Variants in RTP5 observed in about 807,000 individuals in gnomAD.
RTP5 encodes the protein receptor-transporting protein 5.
In RTP5, 30 loss-of-function variants were observed where a neutral mutation model predicts 23.5. The ratio of observed to expected loss-of-function variants is 1.27; its 90% confidence interval spans 0.95 to 1.73. The LOEUF (loss-of-function observed/expected upper bound fraction) is 1.73. Among genes scored for constraint, RTP5 ranks in the 40% most tolerant of loss-of-function variants. RTP5 has a pLI of 0.00. For synonymous variants in RTP5, 354 were observed against 342.1 expected (o/e 1.03, Z -0.38); for missense variants, 807 against 784.2 (o/e 1.03, Z -0.35).
intron 1 of RTP5, chr2:241,871,108 G>A (rs1701308608): frequency 3.2e-5 from 15 of 468,032 alleles, no homozygotes; most frequent in South Asian, 1.9e-4. Flanking sequence ...GCCTGGTGAC[G>A]CCCAGCAGGG....
intron 1 of RTP5, among the ~76,000 whole-genome samples, chr2:241,870,168 T>C (rs1701289389): frequency 6.6e-6 from 1 of 152,156 alleles, no homozygotes; most frequent in Non-Finnish European, 1.5e-5. Flanking sequence ...CTCACTCGGC[T>C]CCTTGGGCCA....
In RTP5 at chr2:241,873,169, C is replaced by T. The variant is rs747825272; in HGVS notation, c.1614C>T (p.Ala538=). Residue 538 remains alanine, a synonymous_variant, in exon 2 of 2, where the codon GCC becomes GCT. Transcript: ENST00000343216. ...GCCGTGCCTGCCGTAGGCCGCACGC[C>T]GAGCCCTACGAGGACTTCTGGATCT... The part of the protein sequence containing the change: ...RPGRACRRPH[A]EPYEDFWIWV... 4.5e-5 allele frequency: 72 copies of T among 1,611,526 alleles called. No individual in the cohort carries two copies. The highest frequency in any genetic ancestry group is 4.0e-4 in the African/African-American group (30 of 74,912).
rs534729145 is a variant in RTP5 at position 241,872,908 on chromosome 2, G to C, written c.1353G>C (p.Ala451=). 5 of 1,612,884 alleles carry C rather than the reference G, an allele frequency of 3.1e-6. No individual in the cohort carries two copies. Among genetic ancestry groups the C allele is most frequent in the African/African-American group, 1.3e-5 (1 of 74,948 alleles). Residue 451 remains alanine (A), a synonymous_variant, in exon 2 of 2, where the codon GCG becomes GCC. Coordinates refer to ENST00000343216, the MANE Select transcript of RTP5 (RefSeq NM_173821.3). ...GKEKEGGLVT[A]GHDAPLEANA... ...AGAAGGAAGGTGGCCTGGTCACCGC[G>C]GGTCACGACGCCCCTCTGGAGGCCA...
chr2:241,872,899 G>A lies in RTP5; in HGVS notation c.1344G>A (p.Leu448=). Residue 448 remains leucine, a synonymous_variant, in exon 2 of 2, where the codon CTG becomes CTA. Transcript: ENST00000343216. ...ITEGKEKEGG[L]VTAGHDAPLE... ...AAGGCAAAGAGAAGGAAGGTGGCCT[G>A]GTCACCGCGGGTCACGACGCCCCTC... The A allele has an allele frequency of 6.2e-7, 1 of 1,612,788 alleles. No individual in the cohort carries two copies.
Position 241,872,571 on chromosome 2 carries a change from T to C in RTP5, c.1016T>C (p.Leu339Pro). 1 of 1,538,174 alleles carries C rather than the reference T, an allele frequency of 6.5e-7. No homozygotes were observed. Among genetic ancestry groups the C allele is most frequent in the Middle Eastern group, 1.8e-4 (1 of 5,694 alleles). ...CTCTCGGCCAGCGGGGAGGGCTCCC[T>C]CACCTTCCCCTCCTCCCTCACCAGC... Reference protein sequence around the residue: ...VGLSASGEGSLTFPSSLTSIF... With the variant: ...VGLSASGEGSPTFPSSLTSIF... The change falls in exon 2 of 2, where the codon CTC becomes CCC. Residue 339 changes from leucine (L) to proline (P), a missense_variant. Leu to Pro is a moderately conservative substitution (Grantham distance 98). Transcript: ENST00000343216.
chr2:241,872,918 G>A lies in RTP5; in HGVS notation c.1363G>A (p.Ala455Thr), dbSNP rs756597494. Reference sequence around the variant, plus strand: ...TGGCCTGGTCACCGCGGGTCACGACGCCCCTCTGGAGGCCAATGCCGAGGG... The same window carrying A: ...TGGCCTGGTCACCGCGGGTCACGACACCCCTCTGGAGGCCAATGCCGAGGG... ...EGGLVTAGHD[A>T]PLEANAEGPI... Residue 455 changes from alanine (A) to threonine (T), a missense_variant, in exon 2 of 2, where the codon GCC becomes ACC. Transcript: ENST00000343216. The A allele has an allele frequency of 4.5e-5, 73 of 1,612,824 alleles. No homozygotes were observed. Among genetic ancestry groups the A allele is most frequent in the Non-Finnish European group, 5.8e-5 (69 of 1,179,988 alleles).
In RTP5 at chr2:241,872,896, C is replaced by A. The variant is rs773326271; in HGVS notation, c.1341C>A (p.Gly447=). ...CTGAAGGCAAAGAGAAGGAAGGTGG[C>A]CTGGTCACCGCGGGTCACGACGCCC... is the stretch of plus-strand genomic sequence containing the variant. ...DITEGKEKEG[G]LVTAGHDAPL... The change falls in exon 2 of 2, where the codon GGC becomes GGA. Residue 447 remains glycine (G), a synonymous_variant. Coordinates refer to ENST00000343216, the MANE Select transcript of RTP5 (RefSeq NM_173821.3). 6.2e-7 allele frequency: 1 copy of A among 1,612,944 alleles called. No individual in the cohort carries two copies. Among genetic ancestry groups the A allele is most frequent in the Admixed American group, 1.7e-5 (1 of 60,022 alleles).
In RTP5 at chr2:241,872,202, T is replaced by C; in HGVS notation, c.647T>C (p.Val216Ala). Residue 216 changes from valine to alanine, a missense_variant, in exon 2 of 2, where the codon GTG becomes GCG. Physicochemically the swap from Val to Ala is moderately conservative, Grantham distance 64. Coordinates refer to ENST00000343216, the MANE Select transcript of RTP5 (RefSeq NM_173821.3). ...FSLVGTSNDQ[V>A]PIAEGPAPPA... ...CTTGTGGGTACCAGCAATGACCAGG[T>C]GCCCATCGCTGAGGGCCCTGCCCCC... 1 of 1,611,640 alleles carries C rather than the reference T, an allele frequency of 6.2e-7. No individual in the cohort carries two copies. Among genetic ancestry groups the C allele is most frequent in the South Asian group, 1.1e-5 (1 of 91,056 alleles).
rs371611739 is a variant in RTP5 at position 241,869,890 on chromosome 2, A to T, written c.134A>T (p.Gln45Leu). 6.4e-7 allele frequency: 1 copy of T among 1,564,000 alleles called. No individual in the cohort carries two copies. Among genetic ancestry groups the T allele is most frequent in the Non-Finnish European group, 8.6e-7 (1 of 1,157,876 alleles). The change falls in exon 1 of 2, where the codon CAG becomes CTG. Residue 45 changes from glutamine (Q) to leucine (L), a missense_variant. Transcript: ENST00000343216. ...GGATGCCTGGACGGCGGTGGTGTCC[A>T]GTACCTGCTGGTGGGGCTCTCGAGG... ...VPGCLDGGGV[Q>L]YLLVGLSRLQ...
In RTP5 at chr2:241,871,746, A is replaced by G. The variant is rs1000175602; in HGVS notation, c.191A>G (p.Asp64Gly). 2.5e-6 allele frequency: 4 copies of G among 1,603,974 alleles called. No individual in the cohort carries two copies. The highest frequency in any genetic ancestry group is 3.4e-6 in the Non-Finnish European group (4 of 1,176,248). Residue 64 changes from aspartate (D) to glycine (G), a missense_variant, in exon 2 of 2, where the codon GAC becomes GGC. By Grantham distance (94) the Asp-to-Gly change is moderately conservative (BLOSUM62 -1). Transcript: ENST00000343216. ...TGCGGTCACTGTCCGGGGACCTGGG[A>G]CTCGGCCCATGTGCACGTCCTCTTC... ...LQCGHCPGTW[D>G]SAHVHVLFHL... is the part of the protein sequence containing the mutation.
chr2:241,873,098 C>T lies in RTP5; in HGVS notation c.1543C>T (p.His515Tyr), dbSNP rs758779848. The T allele has an allele frequency of 1.2e-6, 2 of 1,612,860 alleles. No homozygotes were observed. Among genetic ancestry groups the T allele is most frequent in the Non-Finnish European group, 1.7e-6 (2 of 1,179,976 alleles). Residue 515 changes from histidine to tyrosine, a missense_variant, in exon 2 of 2, where the codon CAC becomes TAC. Physicochemically the swap from His to Tyr is moderately conservative, Grantham distance 83. Coordinates refer to ENST00000343216, the MANE Select transcript of RTP5 (RefSeq NM_173821.3). ...GAAGAGGCAGCTGAGGTCCAGGTTC[C>T]ACAAGGCCCGCTGTGGGTGCCGCCG... ...YQKRQLRSRFHKARCGCRREE... is the reference protein window; with the variant it reads ...YQKRQLRSRFYKARCGCRREE...
chr2:241,873,252 G>C lies in RTP5; in HGVS notation c.1697G>C (p.Gly566Ala), dbSNP rs1701362385. The C allele has an allele frequency of 1.9e-6, 3 of 1,580,952 alleles. No individual in the cohort carries two copies. In the East Asian group the frequency reaches 7.1e-5, roughly 37 times the overall value. The change falls in exon 2 of 2, where the codon GGG becomes GCG. Residue 566 changes from glycine (G) to alanine (A), a missense_variant. Coordinates refer to ENST00000343216, the MANE Select transcript of RTP5 (RefSeq NM_173821.3). Reference protein sequence around the residue: ...WLMCMCRLNPGIYPQQV With the variant: ...WLMCMCRLNPAIYPQQV ...ATGTGCATGTGTCGGCTGAACCCCGGGATCTACCCGCAGCAAGTGTGACGC... is the reference window on the plus strand; with the variant it reads ...ATGTGCATGTGTCGGCTGAACCCCGCGATCTACCCGCAGCAAGTGTGACGC...
rs760385977 is a variant in RTP5 at position 241,871,696 on chromosome 2, C to T, written c.159-18C>T. ...CCTCTTTCTCCTGCACTCACACACA[C>T]TTCTTTCCCCGCCGCAGGCTCCAGT... is the stretch of plus-strand genomic sequence containing the variant. On this transcript the variant is annotated intron_variant, in intron 1 of 1. Coordinates refer to ENST00000343216, the MANE Select transcript of RTP5 (RefSeq NM_173821.3). The T allele has an allele frequency of 1.3e-6, 2 of 1,579,274 alleles. No homozygotes were observed. Among genetic ancestry groups the T allele is most frequent in the Non-Finnish European group, 1.7e-6 (2 of 1,163,594 alleles).
At position 241,872,277 on chromosome 2, in the gene RTP5, T is replaced by A; in HGVS notation, c.722T>A (p.Ile241Asn). ...ACTGGCAGCTGTGAGGCCCTGGTCA[T>A]CGGCCAGGGCTCCATCTTCCTGTCT... ...PVTGSCEALV[I>N]GQGSIFLSGD... Residue 241 changes from isoleucine to asparagine, a missense_variant, in exon 2 of 2, where the codon ATC becomes AAC. Ile to Asn is a moderately radical substitution (Grantham distance 149). Coordinates refer to ENST00000343216, the MANE Select transcript of RTP5 (RefSeq NM_173821.3). The A allele has an allele frequency of 6.3e-7, 1 of 1,598,706 alleles. No individual in the cohort carries two copies.
chr2:241,870,312 C>T (rs4973698), intron 1 of RTP5, among the ~76,000 whole-genome samples: 9 of 152,204 alleles, frequency 5.9e-5, no homozygotes, highest in East Asian at 1.9e-4. Flanking sequence ...TTGCACACAG[C>T]GGGGTGCTCG....
Position 241,872,224 on chromosome 2 carries a change from C to A in RTP5, c.669C>A (p.Ala223=). The change falls in exon 2 of 2, where the codon GCC becomes GCA. Residue 223 remains alanine (A), a synonymous_variant. Coordinates refer to ENST00000343216, the MANE Select transcript of RTP5 (RefSeq NM_173821.3). ...AGGTGCCCATCGCTGAGGGCCCTGC[C>A]CCCCCTGCGGGGGCCTCTCTCCCTG... ...NDQVPIAEGP[A]PPAGASLPVT... The A allele has an allele frequency of 6.2e-7, 1 of 1,609,138 alleles. No individual in the cohort carries two copies. Among genetic ancestry groups the A allele is most frequent in the Non-Finnish European group, 8.5e-7 (1 of 1,177,260 alleles).
intron 1 of RTP5, 149 bp from the exon 2 acceptor site, chr2:241,871,565 G>A (rs1394634090): frequency 2.6e-6 from 3 of 1,135,854 alleles, no homozygotes; most frequent in Non-Finnish European, 3.6e-6. Flanking sequence ...TGGCTGGGGG[G>A]TGAGGTTTGA....
chr2:241,869,892 TA>T lies in RTP5; in HGVS notation c.137del (p.Tyr46SerfsTer40), dbSNP rs1239419585. On this transcript the variant is annotated frameshift_variant, in exon 1 of 2. Coordinates refer to ENST00000343216, the MANE Select transcript of RTP5 (RefSeq NM_173821.3). LOFTEE classifies it low-confidence loss of function (END_TRUNC). ...PGCLDGGGVQ[Y>X]LLVGLSRLQC... ...ATGCCTGGACGGCGGTGGTGTCCAG[TA>T]CCTGCTGGTGGGGCTCTCGAGGTGC... 1 of 1,560,626 alleles carries T rather than the reference TA, an allele frequency of 6.4e-7. No homozygotes were observed. Among genetic ancestry groups the T allele is most frequent in the Non-Finnish European group, 8.6e-7 (1 of 1,156,212 alleles).
In RTP5 at chr2:241,872,741, G is replaced by A. The variant is rs1218984649; in HGVS notation, c.1186G>A (p.Gly396Ser). ...EGNGKEGGGQ[G>S]LVPVGHDALP... is the part of the protein sequence containing the mutation. ...CAACGGGAAGGAAGGAGGCGGCCAG[G>A]GCCTCGTCCCAGTGGGTCACGACGC... is the stretch of plus-strand genomic sequence containing the variant. Residue 396 changes from glycine (G) to serine (S), a missense_variant, in exon 2 of 2, where the codon GGC (glycine) becomes AGC (serine). Physicochemically the swap from Gly to Ser is moderately conservative, Grantham distance 56 (BLOSUM62 0). Coordinates refer to ENST00000343216, the MANE Select transcript of RTP5 (RefSeq NM_173821.3). The A allele has an allele frequency of 6.3e-7, 1 of 1,596,324 alleles. No individual in the cohort carries two copies. The highest frequency in any genetic ancestry group is 8.5e-7 in the Non-Finnish European group (1 of 1,170,270).
Sources: allele counts gnomAD v4.1 joint callset (sites outside exome capture counted in the v4.1 genomes callset), GRCh38; gene constraint gnomAD v4.1.1; transcripts MANE v1.5; gene names NCBI Gene and HGNC (gene_info 2026-07-23, HGNC 2026-07-21).